FAM163A: variants seen among roughly 807,000 people sequenced by gnomAD.
FAM163A encodes family with sequence similarity 163 member A.
In FAM163A, 7 loss-of-function variants were observed where a neutral mutation model predicts 12.0. That is an observed-to-expected ratio of 0.58 (90% confidence interval 0.33 to 1.10). The LOEUF (loss-of-function observed/expected upper bound fraction) is 1.10. Among genes scored for constraint, FAM163A ranks in the 50% least tolerant of loss-of-function variants. The probability of loss-of-function intolerance (pLI) is 0.03; values close to 1 mark genes in which losing one functional copy is unlikely to be tolerated. For missense variants in FAM163A, 202 were observed against 218.6 expected (o/e 0.92, Z 0.48); for synonymous variants, 101 against 91.0 (o/e 1.11, Z -0.62).
chr1:179,769,461 TAAA>T (rs1377151419), intron 1 of FAM163A, among the ~76,000 whole-genome samples: 1 of 152,150 alleles, frequency 6.6e-6, no homozygotes, highest in Non-Finnish European at 1.5e-5. Flanking sequence ...GTTTGAATCT[TAAA>T]AAACTCTTTT....
intron 1 of FAM163A, among the ~76,000 whole-genome samples, chr1:179,785,737 G>A (rs1378071890): frequency 1.3e-5 from 2 of 152,062 alleles, no homozygotes; most frequent in Non-Finnish European, 2.9e-5. Flanking sequence ...GTACACATTT[G>A]TTTTGCTTTC....
intron 1 of FAM163A, among the ~76,000 whole-genome samples, chr1:179,746,288 G>A (rs145101889): frequency 2.6e-5 from 4 of 152,240 alleles, no homozygotes; most frequent in Admixed American, 1.3e-4. Context: ...TTGCATATGG[G>A]CACAAAGATA....
intron 1 of FAM163A, among the ~76,000 whole-genome samples, chr1:179,790,218 C>CTTTTT (rs1168192716): frequency 4.7e-4 from 43 of 91,658 alleles, no homozygotes; most frequent in Non-Finnish European, 7.2e-4. Context: ...AGCTGACTTC[C>CTTTTT]TTTTTTTTTT....
upstream of FAM163A, among the ~76,000 whole-genome samples, chr1:179,740,701 G>A (rs1369684504): frequency 6.6e-6 from 1 of 152,154 alleles, no homozygotes; most frequent in Non-Finnish European, 1.5e-5. Context: ...TTTTGGAAAT[G>A]GGAAACAGGT....
chr1:179,814,756 T>A lies in FAM163A; in HGVS notation c.*567T>A, dbSNP rs1695151406. On this transcript the variant is annotated 3_prime_UTR_variant, in exon 5 of 5. Coordinates refer to ENST00000341785, the MANE Select transcript of FAM163A (RefSeq NM_173509.3). ...AGCTTTGTACGTTGGTTACCATAGC[T>A]ACTGCTGTCACTGTAGCTGCTCCCG... 1 of 154,114 alleles carries A rather than the reference T, an allele frequency of 6.5e-6. No homozygotes were observed. Among genetic ancestry groups the A allele is most frequent in the Admixed American group, 6.4e-5 (1 of 15,662 alleles). The allele number at this position is 154,114 out of a possible 1,614,324, so 9.5% of individuals were successfully genotyped here.
chr1:179,750,443 A>G (rs1462797259), intron 1 of FAM163A, among the ~76,000 whole-genome samples: 4 of 152,318 alleles, frequency 2.6e-5, no homozygotes, highest in Admixed American at 1.3e-4. Flanking sequence ...GTGATGATTG[A>G]GCTAAAACCT....
intron 2 of FAM163A, among the ~76,000 whole-genome samples, chr1:179,811,768 A>G (rs1236845061): frequency 6.6e-6 from 1 of 152,188 alleles, no homozygotes; most frequent in Non-Finnish European, 1.5e-5. Context: ...CCTTTGAGTA[A>G]TAAACAATTT....
chr1:179,740,726 G>T (rs79002509), upstream of FAM163A, among the ~76,000 whole-genome samples: 1,348 of 152,274 alleles, frequency 8.9e-3, 13 homozygotes, highest in African/African-American at 0.031. Flanking sequence ...GGTTTCAAGA[G>T]ATTAGAGATG....
At chr1:179,785,869 C>T (rs1289543170) in intron 1 of FAM163A, among the ~76,000 whole-genome samples, 3 of 152,116 alleles carry the variant, frequency 2.0e-5, no homozygotes, top group African/African-American at 7.2e-5. Context: ...TAGCTTCCCC[C>T]GTTGTTAAGG....
intron 1 of FAM163A, among the ~76,000 whole-genome samples, chr1:179,751,590 G>T (rs929753428): frequency 6.6e-6 from 1 of 152,130 alleles, no homozygotes; most frequent in African/African-American, 2.4e-5. Context: ...CTTTCCAGAG[G>T]TTTGCTGTGA....
intron 1 of FAM163A, among the ~76,000 whole-genome samples, chr1:179,756,687 T>G (rs1007763810): frequency 2.0e-5 from 3 of 152,050 alleles, no homozygotes; most frequent in African/African-American, 7.3e-5. Flanking sequence ...AGCAGGTGAG[T>G]GCCTAAGGCA....
chr1:179,804,832 C>T (rs1693694498), intron 1 of FAM163A, among the ~76,000 whole-genome samples: 1 of 151,980 alleles, frequency 6.6e-6, no homozygotes, highest in Non-Finnish European at 1.5e-5. Context: ...AGGGAGGGGA[C>T]AGAAAAAAAT....
intron 1 of FAM163A, among the ~76,000 whole-genome samples, chr1:179,773,398 A>T (rs1688524818): frequency 6.6e-6 from 1 of 152,206 alleles, no homozygotes; most frequent in African/African-American, 2.4e-5. Flanking sequence ...GAGAAATCCA[A>T]ATGTCACTAG....
chr1:179,815,147 A>G lies in FAM163A; in HGVS notation c.*958A>G. 6.4e-6 allele frequency: 1 copy of G among 155,704 alleles called. No homozygotes were observed. The highest frequency in any genetic ancestry group is 1.4e-5 in the Non-Finnish European group (1 of 71,180). The allele number at this position is 155,704 out of a possible 1,614,324, so 9.6% of individuals were successfully genotyped here. On this transcript the variant is annotated 3_prime_UTR_variant, in exon 5 of 5. Coordinates refer to ENST00000341785, the MANE Select transcript of FAM163A (RefSeq NM_173509.3). ...CACACACACACACACACACACACAC[A>G]CACAGTAACCACGGGTAGGCACCAG...
chr1:179,738,996 G>C (rs776557607), upstream of FAM163A, among the ~76,000 whole-genome samples: 95 of 152,214 alleles, frequency 6.2e-4, no homozygotes, highest in Non-Finnish European at 1.2e-3. Context: ...ATGGAATAGA[G>C]AATCCAAAAA....
the FAM163A span, among the ~76,000 whole-genome samples, chr1:179,735,700 T>TCACC: frequency 0.051 from 7,809 of 151,986 alleles, 228 homozygotes; most frequent in African/African-American, 0.073. Context: ...AGACGGGGTT[T>TCACC]CACCGTGTTA....
At chr1:179,795,707 C>T (rs983408100) in intron 1 of FAM163A, among the ~76,000 whole-genome samples, 6 of 152,348 alleles carry the variant, frequency 3.9e-5, no homozygotes, top group African/African-American at 1.4e-4. Flanking sequence ...GTGCTATGGC[C>T]TTGACCACAG....
At chr1:179,793,496 G>A (rs116191844) in intron 1 of FAM163A, among the ~76,000 whole-genome samples, 258 of 152,312 alleles carry the variant, frequency 1.7e-3, no homozygotes, top group African/African-American at 5.2e-3. Flanking sequence ...TGAGAAAAGC[G>A]TACGTGCTCA....
intron 1 of FAM163A, among the ~76,000 whole-genome samples, chr1:179,784,331 C>T (rs1000653344): frequency 8.5e-5 from 13 of 152,190 alleles, no homozygotes; most frequent in African/African-American, 2.9e-4. Context: ...TGCAAAGCCA[C>T]GCTGTGTAAG....
Sources: gnomAD v4.1 joint callset for allele counts (sites outside exome capture counted in the v4.1 genomes callset) on GRCh38, gnomAD v4.1.1 for gene constraint, MANE v1.5 for transcripts, NCBI Gene and HGNC (gene_info 2026-07-23, HGNC 2026-07-21) for gene names.